SNX25: variants seen among roughly 807,000 people sequenced by gnomAD.
SNX25 encodes sorting nexin 25, also known as sorting nexin-25.
A neutral mutation model predicts 113.7 loss-of-function variants in SNX25; 62 were observed. That is an observed-to-expected ratio of 0.55 (90% CI 0.44 to 0.67). The LOEUF (loss-of-function observed/expected upper bound fraction) is 0.67, where lower values mean the gene tolerates loss of function less well. Ranked by LOEUF, SNX25 falls within the 30% of genes least tolerant of loss-of-function variation. The probability of loss-of-function intolerance (pLI) is 0.00; values close to 1 mark genes in which losing one functional copy is unlikely to be tolerated. For missense variants in SNX25, 1,014 were observed against 1,161.0 expected, an observed-to-expected ratio of 0.87 and a Z score of 1.84; for synonymous variants, 421 against 436.2, an observed-to-expected ratio of 0.97 and a Z score of 0.43.
At chr4:185,370,825 G>A, downstream of SNX25, 1 of 1,613,726 alleles carries the variant, frequency 6.2e-7, no homozygotes, top group Non-Finnish European at 8.5e-7. Flanking sequence ...CTGAGAGGAT[G>A]TAGAGTTGTG....
intron 9 of SNX25, among the ~76,000 whole-genome samples, chr4:185,330,142 A>T (rs1223341832): frequency 6.6e-6 from 1 of 152,226 alleles, no homozygotes; most frequent in Non-Finnish European, 1.5e-5. Flanking sequence ...TCTCTTGCAG[A>T]CTAAGAGTAT....
chr4:185,239,460 C>G (rs754036934), intron 1 of SNX25, among the ~76,000 whole-genome samples: 2 of 149,522 alleles, frequency 1.3e-5, no homozygotes, highest in Non-Finnish European at 3.0e-5. Context: ...TCCAGCCTGG[C>G]AACAGAGTGA....
chr4:185,229,995 A>G (rs1378427902), intron 1 of SNX25, among the ~76,000 whole-genome samples: 1 of 152,010 alleles, frequency 6.6e-6, no homozygotes, highest in African/African-American at 2.4e-5. Flanking sequence ...TGCCTGGCCA[A>G]TTTTTAAAAT....
At position 185,274,897 on chromosome 4, in the gene SNX25, C is replaced by T. The variant is rs188722441; in HGVS notation, c.1091+7742C>T. 1.8e-4 allele frequency among the ~76,000 whole-genome samples: 27 copies of T among 152,278 alleles called. 1 individual carries two copies. Among genetic ancestry groups the T allele is most frequent in the Admixed American group, 1.6e-3 (24 of 15,292 alleles). ...ACAGAGCTGGGATTTGAACTGAGGT[C>T]GGCCTGACTTCAAATCCCATATTTA... On this transcript the variant is annotated intron_variant, in intron 5 of 18. Coordinates refer to ENST00000652585, the MANE Select transcript of SNX25 (RefSeq NM_001378034.2).
At chr4:185,311,635 A>G (rs2095031206) in intron 7 of SNX25, among the ~76,000 whole-genome samples, 2 of 152,180 alleles carry the variant, frequency 1.3e-5, no homozygotes, top group East Asian at 3.8e-4. Flanking sequence ...AGAGGCCAAC[A>G]CTGGTATAAT....
At chr4:185,306,936 G>T (rs1754551062) in intron 6 of SNX25, among the ~76,000 whole-genome samples, 1 of 152,110 alleles carries the variant, frequency 6.6e-6, no homozygotes, top group Non-Finnish European at 1.5e-5. Flanking sequence ...CTTTAGGCAG[G>T]TCCTGACTGT....
At chr4:185,207,516 C>G (rs1325994590), upstream of SNX25, among the ~76,000 whole-genome samples, 14 of 152,168 alleles carry the variant, frequency 9.2e-5, no homozygotes, top group Non-Finnish European at 1.0e-4. Flanking sequence ...CCACGCCTGG[C>G]CAACTATCCA....
intron 7 of SNX25, among the ~76,000 whole-genome samples, chr4:185,311,939 G>T (rs1184525064): frequency 6.6e-6 from 1 of 152,136 alleles, no homozygotes; most frequent in Non-Finnish European, 1.5e-5. Flanking sequence ...GTCTGTTGAT[G>T]TTGCTATTAG....
At chr4:185,294,912 G>A (rs1752646716) in intron 6 of SNX25, among the ~76,000 whole-genome samples, 1 of 151,920 alleles carries the variant, frequency 6.6e-6, no homozygotes, top group Admixed American at 6.6e-5. Flanking sequence ...CTTATTGGAT[G>A]TTACAGGAAG....
intron 10 of SNX25, among the ~76,000 whole-genome samples, chr4:185,335,166 A>T (rs2095220767): frequency 6.6e-6 from 1 of 152,076 alleles, no homozygotes; most frequent in African/African-American, 2.4e-5. Flanking sequence ...CTAAAAATAT[A>T]ACAATTAGCC....
chr4:185,360,319 G>A (rs189701998), intron 16 of SNX25, among the ~76,000 whole-genome samples: 1 of 152,276 alleles, frequency 6.6e-6, no homozygotes, highest in East Asian at 1.9e-4. Flanking sequence ...AGTTATAGAT[G>A]GAGATAACAG....
chr4:185,240,721 C>T (rs1340395641), intron 1 of SNX25, among the ~76,000 whole-genome samples: 23 of 151,526 alleles, frequency 1.5e-4, no homozygotes, highest in Non-Finnish European at 2.8e-4. Flanking sequence ...CCCTCCCAGA[C>T]GGGGTGGCTG....
At chr4:185,335,426 A>G (rs1239334805) in intron 10 of SNX25, among the ~76,000 whole-genome samples, 1 of 151,718 alleles carries the variant, frequency 6.6e-6, no homozygotes, top group East Asian at 1.9e-4. Flanking sequence ...AACATATCCC[A>G]CCCCCAAAAT....
At chr4:185,332,478 A>T in intron 9 of SNX25, 117 bp from the exon 10 acceptor site, 1 of 977,476 alleles carries the variant, frequency 1.0e-6, no homozygotes, top group Non-Finnish European at 1.4e-6. Context: ...TAAATTTTCT[A>T]CTTTAGTATT....
At chr4:185,244,908 T>A (rs965324343) in intron 1 of SNX25, among the ~76,000 whole-genome samples, 14 of 152,148 alleles carry the variant, frequency 9.2e-5, no homozygotes, top group African/African-American at 3.1e-4. Flanking sequence ...ATGACATCCT[T>A]GGCACTTGAT....
upstream of SNX25, among the ~76,000 whole-genome samples, chr4:185,207,402 G>C (rs915846463): frequency 6.6e-6 from 1 of 151,716 alleles, no homozygotes; most frequent in African/African-American, 2.4e-5. Flanking sequence ...ATTTTTAGTA[G>C]AGACGGGGTT....
intron 1 of SNX25, among the ~76,000 whole-genome samples, chr4:185,239,117 T>G (rs1016778341): frequency 1.3e-5 from 2 of 152,256 alleles, no homozygotes; most frequent in Non-Finnish European, 2.9e-5. Flanking sequence ...AAAGCTGATA[T>G]ATATTCAGAA....
chr4:185,331,164 G>A (rs2095192078), intron 9 of SNX25, among the ~76,000 whole-genome samples: 1 of 152,092 alleles, frequency 6.6e-6, no homozygotes, highest in African/African-American at 2.4e-5. Flanking sequence ...GGAACTTTTG[G>A]AAATTTATCC....
In SNX25 at chr4:185,275,443, TTAATG is replaced by T. The variant is rs138201445; in HGVS notation, c.1091+8292_1091+8296del. On this transcript the variant is annotated intron_variant, in intron 5 of 18. Transcript: ENST00000652585. ...AGAGGAAAGGGGCATAATTAATTAA[TTAATG>T]TAAAAGATTGCAATTAACAATAAAG... Among the ~76,000 whole-genome samples the T allele has an allele frequency of 9.1e-3, 1,380 of 152,322 alleles. 15 individuals carry two copies. Among genetic ancestry groups the T allele is most frequent in the African/African-American group, 0.031 (1,281 of 41,566 alleles).
Sources: allele counts gnomAD v4.1 joint callset (sites outside exome capture counted in the v4.1 genomes callset), GRCh38; gene constraint gnomAD v4.1.1; transcripts MANE v1.5; gene names NCBI Gene and HGNC (gene_info 2026-07-23, HGNC 2026-07-21).